The following DDX10 variants were observed in gnomAD, a reference collection of about 807,000 sequenced individuals.
DDX10 encodes DEAD-box helicase 10.
DDX10 carries 74 observed loss-of-function variants against 104.3 expected under a neutral mutation model. The observed-to-expected ratio is 0.71, with a 90% CI of 0.59 to 0.86. The LOEUF (loss-of-function observed/expected upper bound fraction) is 0.86. Among genes scored for constraint, DDX10 ranks in the 40% least tolerant of loss-of-function variants. The pLI, the probability that DDX10 is intolerant of heterozygous loss-of-function variation, is 0.00. For synonymous variants in DDX10, 351 were observed against 353.4 expected (o/e 0.99, Z 0.08); for missense variants, 952 against 1,040.0 (o/e 0.92, Z 1.16).
intron 13 of DDX10, among the ~76,000 whole-genome samples, chr11:108,741,480 TG>T (rs2094325152): frequency 6.6e-6 from 1 of 152,200 alleles, no homozygotes; most frequent in Non-Finnish European, 1.5e-5. Flanking sequence ...CTGATCTCTT[TG>T]GCCAGTGTTC....
At position 108,677,173 on chromosome 11, in the gene DDX10, A is replaced by T; in HGVS notation, c.467A>T (p.Gln156Leu). 1 of 1,614,008 alleles carries T rather than the reference A, an allele frequency of 6.2e-7. No individual in the cohort carries two copies. Among genetic ancestry groups the T allele is most frequent in the Non-Finnish European group, 8.5e-7 (1 of 1,179,962 alleles). ...IISPTRELAYQTFEVLRKVGK... is the reference protein window; with the variant it reads ...IISPTRELAYLTFEVLRKVGK... ...TCACCTACGAGAGAACTGGCCTATCAGACCTTTGAGGTTCTCCGAAAAGTA... is the reference window on the plus strand; with the variant it reads ...TCACCTACGAGAGAACTGGCCTATCTGACCTTTGAGGTTCTCCGAAAAGTA... Residue 156 changes from glutamine to leucine, a missense_variant, in exon 4 of 18, where the codon CAG becomes CTG. Around this residue, in one of 3 missense-constraint regions of DDX10, gnomAD observed 412 missense variants for 479.2 expected, o/e 0.86. Transcript: ENST00000322536.
chr11:108,692,446 G>A (rs1416194065), intron 8 of DDX10, among the ~76,000 whole-genome samples: 13 of 150,438 alleles, frequency 8.6e-5, no homozygotes, highest in Non-Finnish European at 1.2e-4. Context: ...TACATTTAGC[G>A]TAGTTAAATT....
intron 13 of DDX10, among the ~76,000 whole-genome samples, chr11:108,806,118 C>T (rs1490326266): frequency 4.6e-5 from 7 of 152,164 alleles, no homozygotes; most frequent in South Asian, 4.2e-4. Flanking sequence ...TCCACCACCA[C>T]GCCCGGCTAG....
intron 16 of DDX10, among the ~76,000 whole-genome samples, chr11:108,861,609 G>A (rs142982932): frequency 1.3e-3 from 201 of 152,172 alleles, no homozygotes; most frequent in African/African-American, 4.8e-3. Flanking sequence ...TAATATTTTC[G>A]GTTAGAGTTT....
At chr11:108,743,898 A>G (rs1194851888) in intron 13 of DDX10, among the ~76,000 whole-genome samples, 3 of 152,210 alleles carry the variant, frequency 2.0e-5, no homozygotes, top group Admixed American at 6.5e-5. Flanking sequence ...TGGAGAAGCA[A>G]TATAAAAACT....
intron 13 of DDX10, among the ~76,000 whole-genome samples, chr11:108,778,826 A>G (rs1398626925): frequency 6.6e-6 from 1 of 152,258 alleles, no homozygotes; most frequent in Non-Finnish European, 1.5e-5. Context: ...AGAATCTACA[A>G]AGAACTCAAA....
At chr11:108,889,852 T>C (rs1296955207) in intron 16 of DDX10, among the ~76,000 whole-genome samples, 2 of 152,346 alleles carry the variant, frequency 1.3e-5, no homozygotes, top group African/African-American at 4.8e-5. Context: ...TAAGTATAAA[T>C]GATTGTTCTG....
At chr11:108,787,981 C>T (rs1009427987) in intron 13 of DDX10, among the ~76,000 whole-genome samples, 1 of 152,102 alleles carries the variant, frequency 6.6e-6, no homozygotes, top group African/African-American at 2.4e-5. Flanking sequence ...TAAATTTTTC[C>T]CTTCCAGAAG....
At chr11:108,924,890 T>G (rs917352298) in intron 17 of DDX10, among the ~76,000 whole-genome samples, 1 of 152,214 alleles carries the variant, frequency 6.6e-6, no homozygotes, top group Non-Finnish European at 1.5e-5. Context: ...CACTGCAGTT[T>G]CCAATTACTT....
At chr11:108,842,157 G>A (rs944470047) in intron 15 of DDX10, among the ~76,000 whole-genome samples, 1 of 152,046 alleles carries the variant, frequency 6.6e-6, no homozygotes, top group African/African-American at 2.4e-5. Flanking sequence ...GCAGTTTTCT[G>A]TTATCCTTGA....
intron 16 of DDX10, among the ~76,000 whole-genome samples, chr11:108,892,939 C>T (rs796760264): frequency 1.3e-5 from 2 of 152,174 alleles, no homozygotes; most frequent in African/African-American, 4.8e-5. Context: ...TCCTGCCTCT[C>T]CATCTTTCCC....
chr11:108,665,443 C>A, intron 1 of DDX10, 104 bp downstream of exon 1: 3 of 1,351,168 alleles, frequency 2.2e-6, no homozygotes, highest in Non-Finnish European at 2.9e-6. Context: ...GTCACCGGGA[C>A]CCGGCCGGGA....
intron 9 of DDX10, among the ~76,000 whole-genome samples, chr11:108,704,560 A>G (rs1186511651): frequency 1.3e-5 from 2 of 152,042 alleles, no homozygotes; most frequent in African/African-American, 4.8e-5. Context: ...TCTCTCCATT[A>G]TCTTGTCTGC....
At chr11:108,918,732 C>T (rs781246868) in intron 17 of DDX10, 15 of 152,142 alleles carry the variant, frequency 9.9e-5, no homozygotes, top group South Asian at 2.1e-4. Context: ...TTATTTGCTA[C>T]CATTGGCAGA....
At chr11:108,793,906 A>G (rs986279130) in intron 13 of DDX10, among the ~76,000 whole-genome samples, 3 of 149,704 alleles carry the variant, frequency 2.0e-5, no homozygotes, top group African/African-American at 7.4e-5. Context: ...TTTTACTCCC[A>G]TGTGAGTGAG....
chr11:108,904,053 T>G (rs1863555691), intron 16 of DDX10, among the ~76,000 whole-genome samples: 1 of 152,106 alleles, frequency 6.6e-6, no homozygotes, highest in African/African-American at 2.4e-5. Context: ...CCACTGTCCT[T>G]GAGTCATTGG....
intron 15 of DDX10, among the ~76,000 whole-genome samples, chr11:108,848,940 C>T (rs781103237): frequency 4.6e-5 from 7 of 152,206 alleles, no homozygotes; most frequent in Admixed American, 2.0e-4. Context: ...CCATGTGGCT[C>T]GGTAAATATT....
chr11:108,832,388 T>C (rs1862485148), intron 13 of DDX10, among the ~76,000 whole-genome samples: 1 of 152,162 alleles, frequency 6.6e-6, no homozygotes, highest in East Asian at 1.9e-4. Flanking sequence ...ATAACAAGAT[T>C]ACCTTGTATG....
At chr11:108,696,122 G>C (rs2094259507) in intron 9 of DDX10, among the ~76,000 whole-genome samples, 1 of 152,064 alleles carries the variant, frequency 6.6e-6, no homozygotes, top group Non-Finnish European at 1.5e-5. Context: ...TTTTATGAGG[G>C]GGTAGATGGT....
Sources: allele counts gnomAD v4.1 joint callset (sites outside exome capture counted in the v4.1 genomes callset), GRCh38; gene constraint gnomAD v4.1.1; regional missense constraint gnomAD v4.1.1; transcripts MANE v1.5; gene names NCBI Gene and HGNC (gene_info 2026-07-23, HGNC 2026-07-21).